Variants in RBFOX2 observed in about 807,000 individuals in gnomAD.
RBFOX2 encodes RNA binding protein fox-1 homolog 2.
A neutral mutation model predicts 49.1 loss-of-function variants in RBFOX2; 10 were observed. That is an observed-to-expected ratio of 0.20 (90% CI 0.13 to 0.35). The LOEUF is 0.35. RBFOX2 is among the 10% of genes least tolerant of loss of function. The probability of loss-of-function intolerance (pLI) is 1.00; values close to 1 mark genes in which losing one functional copy is unlikely to be tolerated. For synonymous variants in RBFOX2, 183 were observed against 187.4 expected (o/e 0.98, Z 0.19); for missense variants, 323 against 486.9 (o/e 0.66, Z 3.17).
intron 1 of RBFOX2, among the ~76,000 whole-genome samples, chr22:35,978,340 A>C (rs2150048580): frequency 6.6e-6 from 1 of 152,328 alleles, no homozygotes; most frequent in Admixed American, 6.5e-5. Flanking sequence ...GAGATATGGA[A>C]ATATAGATGT....
chr22:35,968,281 A>G (rs1186551483), intron 1 of RBFOX2, among the ~76,000 whole-genome samples: 2 of 152,252 alleles, frequency 1.3e-5, no homozygotes, highest in Non-Finnish European at 2.9e-5. Flanking sequence ...AATTTAGATG[A>G]GCAACAAGTT....
intron 1 of RBFOX2, among the ~76,000 whole-genome samples, chr22:35,986,606 T>C (rs1450456366): frequency 6.6e-6 from 1 of 152,212 alleles, no homozygotes; most frequent in Non-Finnish European, 1.5e-5. Flanking sequence ...GCATATTTTA[T>C]TTATGCCCAC....
chr22:35,768,152 C>T, intron 5 of RBFOX2, 105 bp downstream of exon 6: 1 of 1,175,764 alleles, frequency 8.5e-7, no homozygotes, highest in Non-Finnish European at 1.2e-6. Context: ...CATACATGTG[C>T]ACACGCACAC....
chr22:35,881,595 A>AT (rs1166843817), intron 1 of RBFOX2, among the ~76,000 whole-genome samples: 1 of 150,670 alleles, frequency 6.6e-6, no homozygotes, highest in Non-Finnish European at 1.5e-5. Flanking sequence ...AAAAAAAAAA[A>AT]GGAAGAAATT....
chr22:35,951,433 C>T (rs909879080), intron 1 of RBFOX2, among the ~76,000 whole-genome samples: 2 of 151,162 alleles, frequency 1.3e-5, no homozygotes, highest in African/African-American at 2.4e-5. Flanking sequence ...TTAGTAGAGA[C>T]GGGGTTTCTC....
chr22:35,749,027 C>T lies in RBFOX2; in HGVS notation c.888-2466G>A, dbSNP rs577102683. ...TCATTTTCCTAGGCCTACAGGAAGC[C>T]ATAGGAACCTTGGTGGTTTAGGAGT... On this transcript the variant is annotated intron_variant, in intron 9 of 11. Coordinates refer to ENST00000405409, the Ensembl canonical transcript of RBFOX2. This position sits in a 1 kb window ranked among gnomAD's most constrained non-coding sequence, Gnocchi z 4.1. Among the ~76,000 whole-genome samples, 3 of 152,284 alleles carry T rather than the reference C, an allele frequency of 2.0e-5. No individual in the cohort carries two copies. Among genetic ancestry groups the T allele is most frequent in the African/African-American group, 4.8e-5 (2 of 41,552 alleles).
chr22:36,011,623 C>T (rs534271100), intron 1 of RBFOX2, among the ~76,000 whole-genome samples: 4 of 152,050 alleles, frequency 2.6e-5, no homozygotes, highest in Admixed American at 6.6e-5. Flanking sequence ...TAGAAGGACA[C>T]CCAGATAACT....
At chr22:35,745,751 A>G (rs1932388158) in intron 11 of RBFOX2, among the ~76,000 whole-genome samples, 172 bp downstream of exon 13, 1 of 152,214 alleles carries the variant, frequency 6.6e-6, no homozygotes, top group Non-Finnish European at 1.5e-5. Context: ...TCACATTATA[A>G]TAACACACAA....
At chr22:35,763,513 G>A (rs1384375024) in intron 6 of RBFOX2, among the ~76,000 whole-genome samples, 1 of 152,174 alleles carries the variant, frequency 6.6e-6, no homozygotes, top group Non-Finnish European at 1.5e-5. Context: ...AGTGAGCTGA[G>A]ATCGCACCAC....
chr22:35,781,226 T>C (rs1945087426), intron 3 of RBFOX2, among the ~76,000 whole-genome samples: 1 of 152,210 alleles, frequency 6.6e-6, no homozygotes, highest in African/African-American at 2.4e-5. Context: ...TAGGAATCAT[T>C]GCTCTAAAAG....
At chr22:36,018,677 G>A (rs941228391) in intron 1 of RBFOX2, among the ~76,000 whole-genome samples, 11 of 152,156 alleles carry the variant, frequency 7.2e-5, no homozygotes, top group Admixed American at 1.3e-4. Context: ...GCAGTGGCTC[G>A]ATCTCTCCTC....
chr22:35,841,838 C>T (rs1326235088), upstream of RBFOX2, among the ~76,000 whole-genome samples: 1 of 152,088 alleles, frequency 6.6e-6, no homozygotes, highest in Non-Finnish European at 1.5e-5. Flanking sequence ...ACTGAGAATA[C>T]ATAGTTTTTT....
chr22:35,809,044 G>C (rs1037183597), intron 2 of RBFOX2, among the ~76,000 whole-genome samples: 1 of 150,040 alleles, frequency 6.7e-6, no homozygotes, highest in Non-Finnish European at 1.5e-5. Context: ...GTAGGAAATC[G>C]GCATTTGCAT....
At chr22:35,929,083 C>T (rs1001150380) in intron 1 of RBFOX2, among the ~76,000 whole-genome samples, 20 of 152,088 alleles carry the variant, frequency 1.3e-4, no homozygotes, top group African/African-American at 3.9e-4. Context: ...TGCACCACCA[C>T]ACTCCAGCAT....
chr22:35,895,705 G>A (rs1216716839), intron 1 of RBFOX2, among the ~76,000 whole-genome samples: 1 of 152,054 alleles, frequency 6.6e-6, no homozygotes, highest in East Asian at 1.9e-4. Context: ...AAGGTGCACG[G>A]CTTGGGTTTC....
At chr22:35,781,080 T>C (rs1945069114) in intron 3 of RBFOX2, among the ~76,000 whole-genome samples, 1 of 152,124 alleles carries the variant, frequency 6.6e-6, no homozygotes, top group South Asian at 2.1e-4. Context: ...TGCACATTAG[T>C]ATCAGCTGGG....
chr22:35,764,948 C>T (rs1018533520), intron 6 of RBFOX2, among the ~76,000 whole-genome samples: 2 of 151,952 alleles, frequency 1.3e-5, no homozygotes, highest in Admixed American at 6.6e-5. Flanking sequence ...ATACCCATGG[C>T]TGTTATCTCT....
intron 1 of RBFOX2, among the ~76,000 whole-genome samples, chr22:36,026,011 T>C (rs1209911748): frequency 6.6e-6 from 1 of 152,114 alleles, no homozygotes; most frequent in Non-Finnish European, 1.5e-5. Context: ...ACACCTGTAA[T>C]CCCAACATTT....
intron 1 of RBFOX2, among the ~76,000 whole-genome samples, chr22:35,873,885 T>C (rs1214173176): frequency 6.6e-6 from 1 of 152,140 alleles, no homozygotes; most frequent in Non-Finnish European, 1.5e-5. Context: ...TTCTCCATAT[T>C]ACCCAGGTTG....
Sources: allele counts gnomAD v4.1 joint callset (sites outside exome capture counted in the v4.1 genomes callset), GRCh38; gene constraint gnomAD v4.1.1; non-coding constraint Gnocchi (gnomAD v3.1); transcripts MANE v1.5; gene names NCBI Gene and HGNC (gene_info 2026-07-23, HGNC 2026-07-21).